The following STRBP variants were observed in gnomAD, a reference collection of about 807,000 sequenced individuals.
STRBP encodes spermatid perinuclear RNA binding protein.
A neutral mutation model predicts 80.1 loss-of-function variants in STRBP; 13 were observed. The observed-to-expected ratio is 0.16, with a 90% CI of 0.11 to 0.26. The LOEUF (loss-of-function observed/expected upper bound fraction) is 0.26. Ranked by LOEUF, STRBP falls within the 10% of genes least tolerant of loss-of-function variation. The pLI, the probability that STRBP is intolerant of heterozygous loss-of-function variation, is 1.00. For synonymous variants in STRBP, 284 were observed against 291.2 expected, an observed-to-expected ratio of 0.98 and a Z score of 0.25; for missense variants, 485 against 815.2, an observed-to-expected ratio of 0.59 and a Z score of 4.93.
Position 123,184,263 on chromosome 9 carries a change from T to C in STRBP, c.-129A>G, listed in dbSNP as rs1027730374. On this transcript the variant is annotated 5_prime_UTR_variant, in exon 3 of 19. Transcript: ENST00000348403. ...GTCCCCTGACAGCTCAGCGTCAATATAGCAAATGTCTGAAGGCTTGTTCTC... is the reference window on the plus strand; with the variant it reads ...GTCCCCTGACAGCTCAGCGTCAATACAGCAAATGTCTGAAGGCTTGTTCTC... 79 of 806,308 alleles carry C rather than the reference T, an allele frequency of 9.8e-5. No homozygotes were observed. The highest frequency in any genetic ancestry group is 3.9e-4 in the Admixed American group (14 of 36,084). The allele number at this position is 806,308 out of a possible 1,614,324, so 49.9% of individuals were successfully genotyped here. A position where few individuals can be genotyped will look rare whatever the true frequency, so the allele number is the denominator to read the frequency against.
chr9:123,220,086 TA>T (rs796325629), intron 2 of STRBP, among the ~76,000 whole-genome samples: 2 of 152,136 alleles, frequency 1.3e-5, no homozygotes, highest in African/African-American at 4.8e-5. Flanking sequence ...TTATTACAGA[TA>T]AAAAATTAGA....
chr9:123,171,562 A>G (rs1174568178), intron 5 of STRBP, among the ~76,000 whole-genome samples: 1 of 152,162 alleles, frequency 6.6e-6, no homozygotes, highest in Non-Finnish European at 1.5e-5. Flanking sequence ...TAGTAACAAT[A>G]CACTTGCACA....
At chr9:123,208,824 A>AC (rs879623698) in intron 2 of STRBP, among the ~76,000 whole-genome samples, 2 of 152,136 alleles carry the variant, frequency 1.3e-5, no homozygotes, top group Non-Finnish European at 2.9e-5. Context: ...TGGACAGCCC[A>AC]ACACTCTGAC....
At chr9:123,150,190 G>C (rs2036993280) in intron 11 of STRBP, among the ~76,000 whole-genome samples, 1 of 152,168 alleles carries the variant, frequency 6.6e-6, no homozygotes, top group African/African-American at 2.4e-5. Flanking sequence ...AGTGGTTGGA[G>C]TGAAACAAAC....
chr9:123,122,372 C>T lies in STRBP; in HGVS notation c.*3225G>A, dbSNP rs752601801. 149 of 1,282,424 alleles carry T rather than the reference C, an allele frequency of 1.2e-4. No individual in the cohort carries two copies. Among genetic ancestry groups the T allele is most frequent in the Middle Eastern group, 2.2e-4 (1 of 4,644 alleles). The allele number at this position is 1,282,424 out of a possible 1,614,324, so 79.4% of individuals were successfully genotyped here. On this transcript the variant is annotated 3_prime_UTR_variant, in exon 19 of 19. Coordinates refer to ENST00000348403, the MANE Select transcript of STRBP (RefSeq NM_018387.5). ...AACACCAGTTTTAAAAATACATTAA[C>T]GAGGTATTCCCAGCTCTTCAATTAA...
intron 1 of STRBP, among the ~76,000 whole-genome samples, chr9:123,252,375 G>A (rs963535464): frequency 6.6e-6 from 1 of 152,138 alleles, no homozygotes; most frequent in Non-Finnish European, 1.5e-5. Flanking sequence ...TTTTAAAAGA[G>A]GAAAGGTCTT....
At chr9:123,118,608 G>T (rs552934808), downstream of STRBP, among the ~76,000 whole-genome samples, 2 of 152,354 alleles carry the variant, frequency 1.3e-5, no homozygotes, top group Admixed American at 1.3e-4. Context: ...GCCTCCCCTG[G>T]GGGGAATGTA....
intron 2 of STRBP, among the ~76,000 whole-genome samples, chr9:123,232,670 C>T (rs941731759): frequency 7.2e-5 from 11 of 152,132 alleles, no homozygotes; most frequent in East Asian, 5.8e-4. Context: ...AAAAGCTCTA[C>T]GGACAGCCAT....
intron 3 of STRBP, among the ~76,000 whole-genome samples, chr9:123,180,568 T>A (rs1454885615): frequency 6.6e-6 from 1 of 152,058 alleles, no homozygotes; most frequent in Non-Finnish European, 1.5e-5. Context: ...AAAACATAAA[T>A]AAGGGTATCA....
intron 4 of STRBP, among the ~76,000 whole-genome samples, chr9:123,176,942 T>C (rs950752746): frequency 2.1e-4 from 32 of 152,304 alleles, no homozygotes; most frequent in African/African-American, 6.7e-4. Flanking sequence ...AGGTAAAGCA[T>C]TAAGTTAAAT....
intron 2 of STRBP, among the ~76,000 whole-genome samples, chr9:123,227,959 C>T (rs2488598): frequency 0.032 from 4,850 of 152,166 alleles, 255 homozygotes; most frequent in African/African-American, 0.11. Context: ...TCCATCACAA[C>T]GATGCAGGTG....
intron 3 of STRBP, chr9:123,180,945 G>C (rs2038432379): frequency 1.9e-5 from 19 of 984,722 alleles, no homozygotes; most frequent in Non-Finnish European, 2.2e-5. Context: ...AATTTTTTAT[G>C]AACAGTCTTG....
chr9:123,182,216 TTAAAAAAAAAAAA>T (rs1256461320), intron 3 of STRBP, among the ~76,000 whole-genome samples: 9 of 94,562 alleles, frequency 9.5e-5, no homozygotes, highest in African/African-American at 3.5e-4. Flanking sequence ...CTCCGTTTCT[TTAAAAAAAAAAAA>T]AAAAAAAAAA....
chr9:123,192,235 G>C (rs934337160), intron 2 of STRBP, among the ~76,000 whole-genome samples: 4 of 152,148 alleles, frequency 2.6e-5, no homozygotes, highest in Non-Finnish European at 5.9e-5. Flanking sequence ...GTCTGGATTA[G>C]GATATAAATT....
At chr9:123,113,661 C>A (rs975419445) in intron 3 of STRBP, 1 of 167,284 alleles carries the variant, frequency 6.0e-6, no homozygotes, top group Non-Finnish European at 1.5e-5. Context: ...GCTCAGGAAG[C>A]CTTTGTGGGG....
chr9:123,201,520 G>A (rs1022680926), intron 2 of STRBP, among the ~76,000 whole-genome samples: 1 of 152,146 alleles, frequency 6.6e-6, no homozygotes, highest in Non-Finnish European at 1.5e-5. Flanking sequence ...ACAGTTTTGA[G>A]AGTTCCTTTT....
At chr9:123,162,233 T>C (rs904381235) in intron 6 of STRBP, among the ~76,000 whole-genome samples, 10 of 150,250 alleles carry the variant, frequency 6.7e-5, no homozygotes, top group Admixed American at 6.6e-4. Context: ...TTTTTTTCTT[T>C]TTTTTTTTTG....
At chr9:123,161,440 G>A (rs1441719534) in intron 6 of STRBP, among the ~76,000 whole-genome samples, 1 of 152,092 alleles carries the variant, frequency 6.6e-6, no homozygotes, top group Non-Finnish European at 1.5e-5. Context: ...GGAAATCTGG[G>A]ACCAATAGCA....
In STRBP at chr9:123,144,193, G is replaced by A. The variant is rs2791440; in HGVS notation, c.1338+2662C>T. 6.6e-3 allele frequency among the ~76,000 whole-genome samples: 830 copies of A among 125,002 alleles called. 9 individuals are homozygous for A. The highest frequency in any genetic ancestry group is 9.4e-3 in the Admixed American group (114 of 12,134). 82.0% of individuals were successfully genotyped at this position (125,002 alleles called of 152,430 possible). On this transcript the variant is annotated intron_variant, in intron 13 of 18. Coordinates refer to ENST00000348403, the MANE Select transcript of STRBP (RefSeq NM_018387.5). ...AGCCTGGGCAACAGATCAAGACTCC[G>A]TCTCAAAAAAAAAAAAAAAAAGAAA...
Sources: allele counts gnomAD v4.1 joint callset (sites outside exome capture counted in the v4.1 genomes callset), GRCh38; gene constraint gnomAD v4.1.1; transcripts MANE v1.5; gene names NCBI Gene and HGNC (gene_info 2026-07-23, HGNC 2026-07-21).